Variants in WDR64 observed in about 807,000 individuals in gnomAD.
WDR64 encodes WD repeat-containing protein 64.
In WDR64, 112 loss-of-function variants were observed where a neutral mutation model predicts 139.3. That is an observed-to-expected ratio of 0.80 (90% CI 0.69 to 0.94). WDR64 has a LOEUF of 0.94. WDR64 is among the 40% of genes least tolerant of loss of function. The pLI is 0.00. For synonymous variants in WDR64, 444 were observed against 437.7 expected, an observed-to-expected ratio of 1.01 and a Z score of -0.18; for missense variants, 1,206 against 1,293.1, an observed-to-expected ratio of 0.93 and a Z score of 1.03.
At chr1:241,704,116 G>T (rs139119464) in intron 8 of WDR64, among the ~76,000 whole-genome samples, 1,971 of 152,184 alleles carry the variant, frequency 0.013, 36 homozygotes, top group African/African-American at 0.044. Context: ...CATTGTACAC[G>T]AAACTGTGAG....
intron 13 of WDR64, among the ~76,000 whole-genome samples, chr1:241,747,293 C>T (rs61825851): frequency 0.21 from 32,651 of 151,938 alleles, 3,999 homozygotes; most frequent in East Asian, 0.46. Context: ...CACGAGTGCA[C>T]GTAAAAAACT....
intron 7 of WDR64, 133 bp downstream of exon 7, chr1:241,683,834 A>G: frequency 1.4e-6 from 1 of 716,198 alleles, no homozygotes; most frequent in Non-Finnish European, 2.2e-6. Context: ...AAAGTAATAT[A>G]AACAATTAAT....
chr1:241,657,239 C>T (rs950554188), intron 1 of WDR64, among the ~76,000 whole-genome samples: 1 of 152,054 alleles, frequency 6.6e-6, no homozygotes, highest in Admixed American at 6.6e-5. Context: ...CTGGCCCAAA[C>T]CTCCATTTTC....
At chr1:241,679,885 TG>T (rs1666711142) in intron 6 of WDR64, among the ~76,000 whole-genome samples, 1 of 152,220 alleles carries the variant, frequency 6.6e-6, no homozygotes, top group Admixed American at 6.5e-5. Flanking sequence ...TATCTTTCTT[TG>T]GGTATACTCA....
At chr1:241,783,968 A>G (rs1200743592) in intron 23 of WDR64, among the ~76,000 whole-genome samples, 2 of 152,266 alleles carry the variant, frequency 1.3e-5, no homozygotes, top group African/African-American at 2.4e-5. Flanking sequence ...GTAATGAATT[A>G]TCCGCTTAAA....
rs1260522749 is a variant in WDR64 at position 241,771,975 on chromosome 1, T to C, written c.2290+278T>C. On this transcript the variant is annotated intron_variant, in intron 19 of 27. Coordinates refer to ENST00000437684, the MANE Select transcript of WDR64 (RefSeq NM_001367482.1). The stretch of plus-strand genomic sequence containing the variant: ...ATATATATATATATATATATATATA[T>C]ATATATATATATATTCTTTTTGGAA... 1.8e-4 allele frequency among the ~76,000 whole-genome samples: 24 copies of C among 133,626 alleles called. 1 individual carries two copies. The highest frequency in any genetic ancestry group is 4.3e-4 in the African/African-American group (15 of 34,630). 87.7% of individuals were successfully genotyped at this position (133,626 alleles called of 152,430 possible).
intron 10 of WDR64, among the ~76,000 whole-genome samples, chr1:241,735,679 C>T (rs112635579): frequency 0.052 from 7,925 of 151,656 alleles, 228 homozygotes; most frequent in South Asian, 0.081. Flanking sequence ...GGATTACAGG[C>T]GTGCACCATC....
chr1:241,653,253 A>G (rs141717118), intron 1 of WDR64, among the ~76,000 whole-genome samples: 72 of 152,336 alleles, frequency 4.7e-4, no homozygotes, highest in African/African-American at 1.5e-3. Flanking sequence ...GCTACATGGC[A>G]GAGTGAAAGA....
rs139005213 is a variant in WDR64, at chr1:241,783,321, A to G, written c.2645A>G (p.Gln882Arg). The change falls in exon 23 of 28, where the codon CAA (glutamine) becomes CGA (arginine). Residue 882 changes from glutamine to arginine, a missense_variant. Transcript: ENST00000437684. ...CGTGCTCATTCTTTGGAAATTATTC[A>G]AGTAATCTATGTAGAAGAAAAACAA... The part of the protein sequence containing the change: ...SWRAHSLEII[Q>R]VIYVEEKQVV... The G allele has an allele frequency of 5.0e-6, 8 of 1,613,950 alleles. No individual in the cohort carries two copies. The African/African-American group carries it at 9.3e-5, about 19-fold the overall frequency.
chr1:241,674,730 A>G lies in WDR64; in HGVS notation c.466A>G (p.Thr156Ala). 1 of 1,544,748 alleles carries G rather than the reference A, an allele frequency of 6.5e-7. No homozygotes were observed. The highest frequency in any genetic ancestry group is 8.8e-7 in the Non-Finnish European group (1 of 1,142,038). ...LITATQKGLI[T>A]VFNNQMRVQT... Reference sequence around the variant, plus strand: ...AACAGCTACTCAGAAAGGATTAATAACAGTTTTTAATAACCAGGTAATTTC... The same window carrying G: ...AACAGCTACTCAGAAAGGATTAATAGCAGTTTTTAATAACCAGGTAATTTC... The change falls in exon 4 of 28, where the codon ACA (threonine) becomes GCA (alanine). Residue 156 changes from threonine (T) to alanine (A), a missense_variant. Physicochemically the swap from Thr to Ala is moderately conservative, Grantham distance 58 (BLOSUM62 0). Transcript: ENST00000437684.
chr1:241,783,256 T>C lies in WDR64; in HGVS notation c.2596-16T>C, dbSNP rs1658912366. 1 of 1,606,258 alleles carries C rather than the reference T, an allele frequency of 6.2e-7. No individual in the cohort carries two copies. ...TATAGTTATTCCGAGGAATATGCCTTGTTTTTGCTATCTAGAAATTCAAGC... is the reference window on the plus strand; with the variant it reads ...TATAGTTATTCCGAGGAATATGCCTCGTTTTTGCTATCTAGAAATTCAAGC... On this transcript the variant is annotated splice_polypyrimidine_tract_variant and intron_variant, in intron 22 of 27. Transcript: ENST00000437684.
At chr1:241,739,149 A>G (rs1669438350) in intron 11 of WDR64, among the ~76,000 whole-genome samples, 1 of 152,186 alleles carries the variant, frequency 6.6e-6, no homozygotes, top group Non-Finnish European at 1.5e-5. Flanking sequence ...TGATGCCAAC[A>G]GATTTGTTGC....
At chr1:241,769,664 G>A (rs1199666652) in intron 17 of WDR64, among the ~76,000 whole-genome samples, 159 bp downstream of exon 17, 1 of 152,234 alleles carries the variant, frequency 6.6e-6, no homozygotes. Flanking sequence ...AAAGACATCA[G>A]TTGGGTTGAC....
At position 241,802,031 on chromosome 1, in the gene WDR64, C is replaced by A; in HGVS notation, c.*816C>A. 2.5e-6 allele frequency: 1 copy of A among 397,448 alleles called. No homozygotes were observed. 24.6% of individuals were successfully genotyped at this position (397,448 alleles called of 1,614,324 possible). On this transcript the variant is annotated 3_prime_UTR_variant, in exon 28 of 28. Transcript: ENST00000437684. Reference sequence around the variant, plus strand: ...AAAAGATGTATGATGCAAAAACTAACCTAAAGAAAATCAATATAGCCATAT... The same window carrying A: ...AAAAGATGTATGATGCAAAAACTAAACTAAAGAAAATCAATATAGCCATAT...
In WDR64 at chr1:241,771,363, G is replaced by A. The variant is rs556938422; in HGVS notation, c.2254-298G>A. ...GGGAATAATAAAGATGAAGTTGCAT[G>A]GTTGTGAATACAATTAGAGATCATG... On this transcript the variant is annotated intron_variant, in intron 18 of 27. Coordinates refer to ENST00000437684, the MANE Select transcript of WDR64 (RefSeq NM_001367482.1). Among the ~76,000 whole-genome samples, 4 of 152,248 alleles carry A rather than the reference G, an allele frequency of 2.6e-5. No individual in the cohort carries two copies. In the East Asian group the frequency reaches 7.7e-4, roughly 29 times the overall value.
intron 8 of WDR64, among the ~76,000 whole-genome samples, chr1:241,689,053 A>G (rs1262304820): frequency 6.6e-6 from 1 of 152,052 alleles, no homozygotes; most frequent in Admixed American, 6.6e-5. Flanking sequence ...GAAAACATCC[A>G]CTCTAACCTC....
At chr1:241,655,791 T>C (rs1665571309) in intron 1 of WDR64, among the ~76,000 whole-genome samples, 1 of 152,050 alleles carries the variant, frequency 6.6e-6, no homozygotes, top group Non-Finnish European at 1.5e-5. Flanking sequence ...CTTCTGAACT[T>C]TCCCTAAGCA....
chr1:241,770,747 A>G lies in WDR64; in HGVS notation c.2253+57A>G. Reference sequence around the variant, plus strand: ...TGTCATACTCAATGTTGGTTCAAAAATAGTGCTATTGAGCACATTTGAGCC... The same window carrying G: ...TGTCATACTCAATGTTGGTTCAAAAGTAGTGCTATTGAGCACATTTGAGCC... On this transcript the variant is annotated intron_variant, in intron 18 of 27. Coordinates refer to ENST00000437684, the MANE Select transcript of WDR64 (RefSeq NM_001367482.1). 2.7e-6 allele frequency: 4 copies of G among 1,504,002 alleles called. No homozygotes were observed. The East Asian group carries it at 9.9e-5, about 37-fold the overall frequency. The allele number at this position is 1,504,002 out of a possible 1,614,324, so 93.2% of individuals were successfully genotyped here. A position where few individuals can be genotyped will look rare whatever the true frequency, so the allele number is the denominator to read the frequency against.
chr1:241,791,542 T>A (rs920290263), intron 25 of WDR64, among the ~76,000 whole-genome samples: 1 of 151,930 alleles, frequency 6.6e-6, no homozygotes, highest in African/African-American at 2.4e-5. Flanking sequence ...ATGGTGACAG[T>A]CCACCTGTCG....
Sources: gnomAD v4.1 joint callset for allele counts (sites outside exome capture counted in the v4.1 genomes callset) on GRCh38, gnomAD v4.1.1 for gene constraint, MANE v1.5 for transcripts, NCBI Gene and HGNC (gene_info 2026-07-23, HGNC 2026-07-21) for gene names.